Variants in SETBP1 observed in about 807,000 individuals in gnomAD.
The protein encoded by SETBP1 is SET-binding protein.
In SETBP1, 9 loss-of-function variants were observed where a neutral mutation model predicts 101.0. The observed-to-expected ratio is 0.09, with a 90% CI of 0.05 to 0.16. The LOEUF (loss-of-function observed/expected upper bound fraction) is 0.16, where lower values mean the gene tolerates loss of function less well. Among genes scored for constraint, SETBP1 ranks in the 10% least tolerant of loss-of-function variants. The pLI, the probability that SETBP1 is intolerant of heterozygous loss-of-function variation, is 1.00. For synonymous variants in SETBP1, 818 were observed against 788.5 expected (o/e 1.04, Z -0.63); for missense variants, 1,858 against 2,033.8 (o/e 0.91, Z 1.66).
At chr18:44,919,135 A>C (rs2070516407) in intron 3 of SETBP1, among the ~76,000 whole-genome samples, 1 of 152,218 alleles carries the variant, frequency 6.6e-6, no homozygotes, top group Non-Finnish European at 1.5e-5. Flanking sequence ...CATCTAGTCC[A>C]CAGGGTCTGT....
intron 4 of SETBP1, among the ~76,000 whole-genome samples, chr18:45,013,533 G>C (rs144892404): frequency 1.3e-5 from 2 of 151,860 alleles, no homozygotes; most frequent in African/African-American, 4.8e-5. Context: ...TCTGCCTCCC[G>C]GGTTCAAGCA....
At chr18:44,854,926 G>A (rs12454806) in intron 2 of SETBP1, among the ~76,000 whole-genome samples, 2,243 of 152,184 alleles carry the variant, frequency 0.015, 18 homozygotes, top group Middle Eastern at 0.048. Flanking sequence ...CTGCTCTAGG[G>A]TGCCAATCTC....
At chr18:44,876,474 T>C in intron 3 of SETBP1, 1 of 884,728 alleles carries the variant, frequency 1.1e-6, no homozygotes, top group Non-Finnish European at 1.8e-6. Flanking sequence ...TCCTAACCCC[T>C]GTAGTGTGGA....
chr18:44,949,417 G>A (rs976993303), intron 3 of SETBP1, among the ~76,000 whole-genome samples: 1 of 152,220 alleles, frequency 6.6e-6, no homozygotes, highest in South Asian at 2.1e-4. Context: ...GAGACTGTTC[G>A]AGTTAGGTGA....
At position 45,063,564 on chromosome 18, in the gene SETBP1, A is replaced by G. The variant is rs1256242471; in HGVS notation, c.4657A>G (p.Arg1553Gly). ...PLPKTPRGGKRKHKPQAPAQP... is the reference protein window; with the variant it reads ...PLPKTPRGGKGKHKPQAPAQP... Reference sequence around the variant, plus strand: ...ACCCAAGACCCCCCGAGGCGGAAAGAGGAAACACAAACCGCAGGCCCCCGC... The same window carrying G: ...ACCCAAGACCCCCCGAGGCGGAAAGGGGAAACACAAACCGCAGGCCCCCGC... Residue 1553 changes from arginine (R) to glycine (G), a missense_variant, in exon 6 of 6, where the codon AGG (arginine) becomes GGG (glycine). Coordinates refer to ENST00000649279, the MANE Select transcript of SETBP1 (RefSeq NM_015559.3). The G allele has an allele frequency of 6.8e-7, 1 of 1,474,282 alleles. No homozygotes were observed. Among genetic ancestry groups the G allele is most frequent in the Non-Finnish European group, 9.2e-7 (1 of 1,091,782 alleles). 91.3% of individuals were successfully genotyped at this position (1,474,282 alleles called of 1,614,324 possible). A position where few individuals can be genotyped will look rare whatever the true frequency, so the allele number is the denominator to read the frequency against.
chr18:44,867,251 C>T (rs1263003636), intron 2 of SETBP1, among the ~76,000 whole-genome samples: 2 of 152,232 alleles, frequency 1.3e-5, no homozygotes, highest in East Asian at 1.9e-4. Context: ...TCCTAATTCC[C>T]TACCTTTCTC....
At chr18:44,942,215 G>T (rs1267186318) in intron 3 of SETBP1, among the ~76,000 whole-genome samples, 2 of 152,086 alleles carry the variant, frequency 1.3e-5, no homozygotes, top group African/African-American at 4.8e-5. Flanking sequence ...GATCTCAGCT[G>T]AATGCCTGGG....
chr18:44,785,045 G>T (rs184360860), intron 2 of SETBP1, among the ~76,000 whole-genome samples: 166 of 152,112 alleles, frequency 1.1e-3, no homozygotes, highest in Non-Finnish European at 1.9e-3. Flanking sequence ...TTGTATATTG[G>T]GAATCAATCA....
At chr18:44,823,071 C>T (rs1391787043) in intron 2 of SETBP1, among the ~76,000 whole-genome samples, 1 of 152,138 alleles carries the variant, frequency 6.6e-6, no homozygotes, top group African/African-American at 2.4e-5. Flanking sequence ...GTGGAGGTTG[C>T]AGTGAACCTA....
chr18:45,014,894 C>T (rs2072910804), intron 4 of SETBP1, among the ~76,000 whole-genome samples: 1 of 152,162 alleles, frequency 6.6e-6, no homozygotes, highest in Admixed American at 6.5e-5. Flanking sequence ...AGTGCCTTAG[C>T]ATGATGTACC....
At chr18:44,705,549 A>T (rs868744651) in intron 2 of SETBP1, among the ~76,000 whole-genome samples, 18 of 152,132 alleles carry the variant, frequency 1.2e-4, no homozygotes, top group Non-Finnish European at 2.4e-4. Context: ...TGTTGTTGTT[A>T]TTTAAGTGAA....
intron 2 of SETBP1, among the ~76,000 whole-genome samples, chr18:44,851,604 C>G (rs1435693294): frequency 2.0e-5 from 3 of 152,214 alleles, no homozygotes; most frequent in Non-Finnish European, 4.4e-5. Context: ...CTCTCCTGGT[C>G]TCTTCCTTTT....
intron 2 of SETBP1, among the ~76,000 whole-genome samples, chr18:44,834,136 G>A (rs553956527): frequency 6.6e-6 from 1 of 152,178 alleles, no homozygotes; most frequent in Non-Finnish European, 1.5e-5. Context: ...TTTAGCATGA[G>A]ATAATGGGTG....
intron 5 of SETBP1, among the ~76,000 whole-genome samples, chr18:45,058,399 A>G (rs953625516): frequency 1.3e-5 from 2 of 152,228 alleles, no homozygotes; most frequent in African/African-American, 4.8e-5. Context: ...TTTTAGAATT[A>G]TTCGATTAAG....
At chr18:44,690,295 T>A (rs2068907986) in intron 1 of SETBP1, among the ~76,000 whole-genome samples, 1 of 152,222 alleles carries the variant, frequency 6.6e-6, no homozygotes, top group African/African-American at 2.4e-5. Flanking sequence ...GAGCTGATAT[T>A]TGTTTAGTTC....
chr18:44,963,578 A>C (rs2071657528), intron 4 of SETBP1, among the ~76,000 whole-genome samples: 1 of 152,144 alleles, frequency 6.6e-6, no homozygotes, highest in Non-Finnish European at 1.5e-5. Flanking sequence ...AAACATTCAA[A>C]AACTTGCATT....
chr18:44,702,105 C>T (rs1049760141), intron 2 of SETBP1, among the ~76,000 whole-genome samples: 14 of 151,938 alleles, frequency 9.2e-5, no homozygotes, highest in Admixed American at 4.6e-4. Context: ...ATACTGTATT[C>T]TTTCCAGAAT....
At chr18:44,980,557 C>T (rs889736347) in intron 4 of SETBP1, among the ~76,000 whole-genome samples, 4 of 152,064 alleles carry the variant, frequency 2.6e-5, no homozygotes, top group East Asian at 1.9e-4. Flanking sequence ...TGAATAGCCC[C>T]GACCTCCCGT....
At position 44,957,369 on chromosome 18, in the gene SETBP1, C is replaced by T. The variant is rs113649276; in HGVS notation, c.4000+4029C>T. Among the ~76,000 whole-genome samples, 256 of 136,950 alleles carry T rather than the reference C, an allele frequency of 1.9e-3. 1 individual carries two copies. Among genetic ancestry groups the T allele is most frequent in the Non-Finnish European group, 2.8e-3 (182 of 64,074 alleles). The allele number at this position is 136,950 out of a possible 152,430, so 89.8% of individuals were successfully genotyped here. On this transcript the variant is annotated intron_variant, in intron 4 of 5. Transcript: ENST00000649279. ...CCTCATGACAACTGCTGTTCAAGCT[C>T]CTATCAGATAATTAAAAAAAAAAAA...
Sources: allele counts gnomAD v4.1 joint callset (sites outside exome capture counted in the v4.1 genomes callset), GRCh38; gene constraint gnomAD v4.1.1; transcripts MANE v1.5; gene names NCBI Gene and HGNC (gene_info 2026-07-23, HGNC 2026-07-21).